PCLO: variants seen among roughly 807,000 people sequenced by gnomAD.
PCLO encodes protein piccolo.
A neutral mutation model predicts 427.5 loss-of-function variants in PCLO; 82 were observed. The ratio of observed to expected loss-of-function variants is 0.19; its 90% CI spans 0.16 to 0.23. The LOEUF (loss-of-function observed/expected upper bound fraction) is 0.23. Ranked by LOEUF, PCLO falls within the 10% of genes least tolerant of loss-of-function variation. The pLI is 1.00. For synonymous variants in PCLO, 2,357 were observed against 2,155.4 expected (o/e 1.09, Z -2.59); for missense variants, 6,239 against 6,115.9 (o/e 1.02, Z -0.67).
chr7:83,056,152 C>A (rs1311365093), intron 3 of PCLO, among the ~76,000 whole-genome samples: 4 of 152,078 alleles, frequency 2.6e-5, no homozygotes, highest in African/African-American at 4.8e-5. Context: ...CTGGGCCTCA[C>A]ACCTCAGACT....
chr7:83,041,387 CTT>C (rs1313952615), intron 3 of PCLO, among the ~76,000 whole-genome samples: 2 of 152,026 alleles, frequency 1.3e-5, no homozygotes. Context: ...TTAAAATAGA[CTT>C]ATATTTTCAT....
At chr7:83,026,473 C>T (rs1281754815) in intron 3 of PCLO, among the ~76,000 whole-genome samples, 3 of 152,238 alleles carry the variant, frequency 2.0e-5, no homozygotes, top group East Asian at 1.9e-4. Context: ...GAGTGACCTA[C>T]AAAGAGACTT....
In PCLO at chr7:83,162,732, A is replaced by C; in HGVS notation, c.-140T>G. On this transcript the variant is annotated 5_prime_UTR_variant, in exon 1 of 25. Coordinates refer to ENST00000333891, the MANE Select transcript of PCLO (RefSeq NM_033026.6). ...CGAGTCCCTGGACTCTGGACCAGGC[A>C]CTGCCGCCCGGAACGCCAGGCAGGG... 8.9e-7 allele frequency: 1 copy of C among 1,127,326 alleles called. No individual in the cohort carries two copies. Among genetic ancestry groups the C allele is most frequent in the Non-Finnish European group, 1.2e-6 (1 of 821,842 alleles). The allele number at this position is 1,127,326 out of a possible 1,614,324, so 69.8% of individuals were successfully genotyped here.
chr7:82,845,406 C>T lies in PCLO; in HGVS notation c.13911G>A (p.Pro4637=), dbSNP rs367971413. ...ELQKVSLQQS[P]LVLSSVVEKG... is the part of the protein sequence containing the mutation. ...TTTCAACAACTGATGACAGAACCAG[C>T]GGTGACTGCTGTAGTGAAACCTTCT... The change falls in exon 13 of 25, where the codon CCG becomes CCA. Residue 4637 remains proline (P), a synonymous_variant. Coordinates refer to ENST00000333891, the MANE Select transcript of PCLO (RefSeq NM_033026.6). 18 of 1,612,902 alleles carry T rather than the reference C, an allele frequency of 1.1e-5. No homozygotes were observed. Among genetic ancestry groups the T allele is most frequent in the East Asian group, 2.2e-5 (1 of 44,774 alleles).
chr7:83,023,328 C>T lies in PCLO; in HGVS notation c.3301-56841G>A, dbSNP rs144627392. On this transcript the variant is annotated intron_variant, in intron 3 of 24. Coordinates refer to ENST00000333891, the MANE Select transcript of PCLO (RefSeq NM_033026.6). ...TACAGAACTACTTATAATATTATGA[C>T]TTTGATAATATGACAACCCAGAAAC... Among the ~76,000 whole-genome samples, 305 of 152,210 alleles carry T rather than the reference C, an allele frequency of 2.0e-3. 1 individual carries two copies. Among genetic ancestry groups the T allele is most frequent in the Admixed American group, 3.0e-3 (46 of 15,292 alleles).
At chr7:82,789,065 A>T (rs74816127) in intron 22 of PCLO, among the ~76,000 whole-genome samples, 2 of 152,014 alleles carry the variant, frequency 1.3e-5, no homozygotes, top group African/African-American at 2.4e-5. Context: ...ATGAAAAAAA[A>T]TGATTAGTTA....
chr7:82,953,421 G>T lies in PCLO; in HGVS notation c.7532C>A (p.Ala2511Asp). The change falls in exon 5 of 25, where the codon GCC becomes GAC. Residue 2511 changes from alanine to aspartate, a missense_variant. Around this residue, in one of 5 missense-constraint regions of PCLO, gnomAD observed 4,677 missense variants for 4,468.4 expected, o/e 1.05. Transcript: ENST00000333891. ...AAGCTGAGGAATCACTGGTTTGGGG[G>T]CGATTGGAGGTTTGCTTGGCTCAGG... ...HRPEPSKPPI[A>D]PKPVIPQLPT... is the part of the protein sequence containing the mutation. The T allele has an allele frequency of 6.2e-7, 1 of 1,613,572 alleles. No individual in the cohort carries two copies. The highest frequency in any genetic ancestry group is 8.5e-7 in the Non-Finnish European group (1 of 1,179,812).
rs571544021 is a variant in PCLO at position 82,815,961 on chromosome 7, C to T, written c.14791+6534G>A. On this transcript the variant is annotated intron_variant, in intron 20 of 24. Coordinates refer to ENST00000333891, the MANE Select transcript of PCLO (RefSeq NM_033026.6). The stretch of plus-strand genomic sequence containing the variant: ...CATCTACCAAACTCAACACCCCGAT[C>T]AAAATTTTATATTTCGGATATAATT... 9.9e-5 allele frequency among the ~76,000 whole-genome samples: 15 copies of T among 152,198 alleles called. No homozygotes were observed. In the East Asian group the frequency reaches 2.5e-3, roughly 25 times the overall value.
chr7:82,938,858 T>C (rs529230032), intron 6 of PCLO, among the ~76,000 whole-genome samples: 1 of 152,192 alleles, frequency 6.6e-6, no homozygotes, highest in South Asian at 2.1e-4. Flanking sequence ...TAGCGATATA[T>C]TCCTTTATCA....
chr7:82,824,397 C>A lies in PCLO; in HGVS notation c.14435G>T (p.Ser4812Ile). ...TGGAGTGTTATCGAGGTGAGATGTGCTAGATAAATCAATCAATACCTGAAA... is the reference window on the plus strand; with the variant it reads ...TGGAGTGTTATCGAGGTGAGATGTGATAGATAAATCAATCAATACCTGAAA... ...FLGEVLIDLSSTSHLDNTPRW... is the reference protein window; with the variant it reads ...FLGEVLIDLSITSHLDNTPRW... Residue 4812 changes from serine to isoleucine, a missense_variant, in exon 19 of 25, where the codon AGC becomes ATC. This residue lies in a region of PCLO where 877 missense variants were observed against 925.5 expected (regional missense o/e 0.95). Transcript: ENST00000333891. 1 of 1,595,878 alleles carries A rather than the reference C, an allele frequency of 6.3e-7. No homozygotes were observed. The highest frequency in any genetic ancestry group is 2.2e-5 in the East Asian group (1 of 44,514).
intron 15 of PCLO, 37 bp downstream of exon 15, chr7:82,838,181 T>G: frequency 6.7e-7 from 1 of 1,491,942 alleles, no homozygotes; most frequent in Non-Finnish European, 9.2e-7. Flanking sequence ...ACTATTGTTT[T>G]AAAGCATGAG....
intron 10 of PCLO, among the ~76,000 whole-genome samples, chr7:82,860,571 A>T (rs945470377): frequency 6.6e-6 from 1 of 152,130 alleles, no homozygotes; most frequent in Non-Finnish European, 1.5e-5. Flanking sequence ...GGTACACTTC[A>T]ATCACAAAGA....
chr7:83,133,714 A>T (rs1003762959), intron 3 of PCLO, among the ~76,000 whole-genome samples: 1 of 151,992 alleles, frequency 6.6e-6, no homozygotes, highest in African/African-American at 2.4e-5. Context: ...AATAGGCAAA[A>T]TTTTTAACTT....
At position 83,156,344 on chromosome 7, in the gene PCLO, G is replaced by A. The variant is rs1324614834; in HGVS notation, c.297C>T (p.Pro99=). 2.5e-6 allele frequency: 4 copies of A among 1,612,452 alleles called. No individual in the cohort carries two copies. The highest frequency in any genetic ancestry group is 1.7e-5 in the Admixed American group (1 of 59,906). Reference sequence around the variant, plus strand: ...GTTGAGCTGGACGCCCAGGGTCCGGGGGTCTTCCTGATTGCTTTGGAGGAT... The same window carrying A: ...GTTGAGCTGGACGCCCAGGGTCCGGAGGTCTTCCTGATTGCTTTGGAGGAT... ...SSHPPKQSGR[P]PDPGRPAQPG... is the part of the protein sequence containing the mutation. The change falls in exon 2 of 25, where the codon CCC becomes CCT. Residue 99 remains proline (P), a synonymous_variant. Coordinates refer to ENST00000333891, the MANE Select transcript of PCLO (RefSeq NM_033026.6).
In PCLO at chr7:83,154,817, G is replaced by C. The variant is rs747810894; in HGVS notation, c.1824C>G (p.Asn608Lys). The change falls in exon 2 of 25, where the codon AAC becomes AAG. Residue 608 changes from asparagine (N) to lysine (K), a missense_variant. Asn to Lys is a moderately conservative substitution (Grantham distance 94). Transcript: ENST00000333891. ...LLHVPEKANF[N>K]TCTECQTTVC... ...CAGTGGTTTGACACTCAGTGCATGTGTTAAAATTGGCCTTTTCTGGAACAT... is the reference window on the plus strand; with the variant it reads ...CAGTGGTTTGACACTCAGTGCATGTCTTAAAATTGGCCTTTTCTGGAACAT... 2.0e-5 allele frequency: 32 copies of C among 1,613,978 alleles called. No homozygotes were observed. Among genetic ancestry groups the C allele is most frequent in the Non-Finnish European group, 2.2e-5 (26 of 1,179,866 alleles).
At position 83,008,843 on chromosome 7, in the gene PCLO, T is replaced by G. The variant is rs529684393; in HGVS notation, c.3301-42356A>C. Among the ~76,000 whole-genome samples, 18 of 151,818 alleles carry G rather than the reference T, an allele frequency of 1.2e-4. 2 individuals carry two copies. Among genetic ancestry groups the G allele is most frequent in the East Asian group, 9.7e-4 (5 of 5,176 alleles). On this transcript the variant is annotated intron_variant, in intron 3 of 24. Transcript: ENST00000333891. Reference sequence around the variant, plus strand: ...TGAATATATGATATATATCATTATGTATGTATAATGATACATTATAAATAT... The same window carrying G: ...TGAATATATGATATATATCATTATGGATGTATAATGATACATTATAAATAT...
At chr7:82,800,834 C>T (rs1035260972) in intron 22 of PCLO, among the ~76,000 whole-genome samples, 10 of 151,920 alleles carry the variant, frequency 6.6e-5, no homozygotes, top group African/African-American at 2.4e-4. Flanking sequence ...ATCTGCCCAC[C>T]TCGGCCTCCC....
chr7:83,089,265 C>G (rs1400562702), intron 3 of PCLO, among the ~76,000 whole-genome samples: 1 of 151,860 alleles, frequency 6.6e-6, no homozygotes, highest in Non-Finnish European at 1.5e-5. Flanking sequence ...AGTGCTTAAG[C>G]CTTCTGAATG....
chr7:83,024,701 T>G (rs934122425), intron 3 of PCLO, among the ~76,000 whole-genome samples: 15 of 152,288 alleles, frequency 9.8e-5, no homozygotes, highest in Admixed American at 2.6e-4. Context: ...GACTTAAATG[T>G]CCCTGTCAGA....
Sources: gnomAD v4.1 joint callset for allele counts (sites outside exome capture counted in the v4.1 genomes callset) on GRCh38, gnomAD v4.1.1 for gene constraint, gnomAD v4.1.1 regional missense constraint, MANE v1.5 for transcripts, NCBI Gene and HGNC (gene_info 2026-07-23, HGNC 2026-07-21) for gene names.